Variants in VWA5B1 observed in about 807,000 individuals in gnomAD.
VWA5B1 encodes von Willebrand factor A domain containing 5B1.
Under a neutral mutation model 118.2 loss-of-function variants are expected in VWA5B1, and 115 were observed. That is an observed-to-expected ratio of 0.97 (90% confidence interval 0.84 to 1.14). The LOEUF (loss-of-function observed/expected upper bound fraction) is 1.14, where lower values mean the gene tolerates loss of function less well. VWA5B1 is among the 50% of genes most tolerant of loss of function. VWA5B1 has a pLI of 0.00. For synonymous variants in VWA5B1, 682 were observed against 658.4 expected (o/e 1.04, Z -0.55); for missense variants, 1,596 against 1,603.8 (o/e 1.00, Z 0.08).
intron 12 of VWA5B1, 131 bp from the exon 13 acceptor site, chr1:20,336,172 A>G: frequency 1.3e-6 from 1 of 769,374 alleles, no homozygotes; most frequent in East Asian, 3.4e-5. Context: ...AGCAAACACA[A>G]AGCTTTCCTG....
chr1:20,308,564 C>T (rs138839972), intron 1 of VWA5B1, among the ~76,000 whole-genome samples: 243 of 152,308 alleles, frequency 1.6e-3, no homozygotes, highest in African/African-American at 5.6e-3. Flanking sequence ...ACCCTCACGT[C>T]TTGCCTCCCC....
At chr1:20,327,756 G>T in intron 8 of VWA5B1, 134 bp from the exon 9 acceptor site, 1 of 758,248 alleles carries the variant, frequency 1.3e-6, no homozygotes, top group South Asian at 1.7e-5. Flanking sequence ...AAAAGGAGTT[G>T]CTGGGTGCAG....
intron 8 of VWA5B1, among the ~76,000 whole-genome samples, chr1:20,327,529 C>T (rs912054550): frequency 4.6e-5 from 7 of 152,064 alleles, no homozygotes; most frequent in Non-Finnish European, 1.0e-4. Flanking sequence ...GAGGGTGCTC[C>T]CTGCTCTCCC....
At position 20,332,846 on chromosome 1, in the gene VWA5B1, G is replaced by T; in HGVS notation, c.1653G>T (p.Glu551Asp). The change falls in exon 12 of 22, where the codon GAG becomes GAT. Residue 551 changes from glutamate (E) to aspartate (D), a missense_variant. Transcript: ENST00000289815. ...AGTGGATCTTCCCTGAGACCACTGA[G>T]GTCCTGGTCTCACCCGTCAGCGCCA... ...TVEWIFPETT[E>D]VLVSPVSASS... 2 of 1,551,802 alleles carry T rather than the reference G, an allele frequency of 1.3e-6. No homozygotes were observed. The highest frequency in any genetic ancestry group is 1.7e-4 in the Middle Eastern group (1 of 5,992).
intron 4 of VWA5B1, among the ~76,000 whole-genome samples, chr1:20,316,329 G>C (rs750388539): frequency 2.0e-5 from 3 of 152,306 alleles, no homozygotes; most frequent in Non-Finnish European, 4.4e-5. Flanking sequence ...TGTGGATGCA[G>C]GGAGGCCGAG....
chr1:20,301,025 G>C (rs2088492224), intron 1 of VWA5B1, among the ~76,000 whole-genome samples: 1 of 152,246 alleles, frequency 6.6e-6, no homozygotes, highest in Non-Finnish European at 1.5e-5. Flanking sequence ...TCTCTGTGGA[G>C]GGGGCGCATT....
chr1:20,318,346 C>G, intron 5 of VWA5B1: 2 of 572,664 alleles, frequency 3.5e-6, no homozygotes, highest in Non-Finnish European at 3.1e-6. Context: ...GAATGCAACT[C>G]CTCCGACCCC....
intron 20 of VWA5B1, among the ~76,000 whole-genome samples, chr1:20,351,284 C>T (rs1040128068): frequency 3.3e-5 from 5 of 152,048 alleles, no homozygotes; most frequent in Admixed American, 6.6e-5. Flanking sequence ...TTTGGGAGGC[C>T]GAGGCAGGAG....
chr1:20,321,886 A>G (rs6426633), intron 7 of VWA5B1, among the ~76,000 whole-genome samples: 111,274 of 152,148 alleles, frequency 0.73, 41,662 homozygotes, highest in East Asian at 0.91. Flanking sequence ...GCAGGGGTCA[A>G]GCCACAGGGG....
rs983783834 is a variant in VWA5B1, at chr1:20,309,355, G to T, written c.-26-1221G>T. Among the ~76,000 whole-genome samples the T allele has an allele frequency of 5.3e-5, 8 of 152,328 alleles. No homozygotes were observed. The East Asian group carries it at 1.5e-3, about 29-fold the overall frequency. Reference sequence around the variant, plus strand: ...GGGAGAAAAACTCAGCTCCGTGGGGGGATGACAGAGGATGCTGGGCACACT... The same window carrying T: ...GGGAGAAAAACTCAGCTCCGTGGGGTGATGACAGAGGATGCTGGGCACACT... On this transcript the variant is annotated intron_variant, in intron 1 of 21. Coordinates refer to ENST00000289815, the MANE Select transcript of VWA5B1 (RefSeq NM_001039500.3).
intron 1 of VWA5B1, among the ~76,000 whole-genome samples, chr1:20,291,297 G>A (rs912687048): frequency 2.0e-5 from 3 of 151,588 alleles, no homozygotes; most frequent in African/African-American, 7.3e-5. Context: ...AGAAGTGAGG[G>A]AGCATGGCCA....
At chr1:20,346,593 C>T (rs1332762730) in intron 17 of VWA5B1, among the ~76,000 whole-genome samples, 1 of 152,174 alleles carries the variant, frequency 6.6e-6, no homozygotes, top group Non-Finnish European at 1.5e-5. Flanking sequence ...TACCAAACTG[C>T]CCCCTTACCA....
At chr1:20,345,670 A>G in intron 17 of VWA5B1, 77 bp downstream of exon 17, 1 of 1,461,192 alleles carries the variant, frequency 6.8e-7, no homozygotes, top group Non-Finnish European at 9.1e-7. Flanking sequence ...GCTGAGATAC[A>G]AAGGACCACA....
At chr1:20,348,129 C>T in intron 17 of VWA5B1, 116 bp from the exon 18 acceptor site, 1 of 1,004,750 alleles carries the variant, frequency 1.0e-6, no homozygotes, top group Non-Finnish European at 1.5e-6. Context: ...CAACACCTTC[C>T]TGCCTTTGGA....
chr1:20,313,503 A>G (rs2100847212), intron 3 of VWA5B1, among the ~76,000 whole-genome samples: 1 of 152,360 alleles, frequency 6.6e-6, no homozygotes, highest in Non-Finnish European at 1.5e-5. Flanking sequence ...AATGCCTGCT[A>G]CTGAGGAAAC....
chr1:20,309,930 T>TGTGTGC (rs2088794527), intron 1 of VWA5B1, among the ~76,000 whole-genome samples: 1 of 147,480 alleles, frequency 6.8e-6, no homozygotes, highest in Non-Finnish European at 1.5e-5. Context: ...TGTGTGTGTG[T>TGTGTGC]GTGTGTGTGT....
Position 20,358,635 on chromosome 1 carries a change from A to C in VWA5B1, c.*4372A>C, listed in dbSNP as rs1042842327. Reference sequence around the variant, plus strand: ...CATCTCTAAGTGGTCTCTAGAATCAAATGCACTCCATACTTTTAGTGCCCT... The same window carrying C: ...CATCTCTAAGTGGTCTCTAGAATCACATGCACTCCATACTTTTAGTGCCCT... On this transcript the variant is annotated 3_prime_UTR_variant, in exon 22 of 22. Coordinates refer to ENST00000289815, the MANE Select transcript of VWA5B1 (RefSeq NM_001039500.3). Among the ~76,000 whole-genome samples the C allele has an allele frequency of 1.1e-4, 17 of 152,176 alleles. No homozygotes were observed. Among genetic ancestry groups the C allele is most frequent in the Admixed American group, 2.0e-4 (3 of 15,282 alleles).
At chr1:20,337,591 C>A (rs1244585126) in intron 13 of VWA5B1, 55 bp from the exon 14 acceptor site, 1 of 1,489,596 alleles carries the variant, frequency 6.7e-7, no homozygotes, top group Non-Finnish European at 9.0e-7. Context: ...GATGCAAGCC[C>A]CACTCTTTCC....
At position 20,310,663 on chromosome 1, in the gene VWA5B1, C is replaced by A; in HGVS notation, c.62C>A (p.Thr21Asn). ...AALPLTASDV[T>N]SCVSGYALGL... is the part of the protein sequence containing the mutation. ...CTGCCCCTCACCGCGTCTGATGTTA[C>A]CTCCTGTGTCAGCGGTTATGCCCTG... The change falls in exon 2 of 22, where the codon ACC becomes AAC. Residue 21 changes from threonine to asparagine, a missense_variant. By Grantham distance (65) the Thr-to-Asn change is moderately conservative (BLOSUM62 0). Transcript: ENST00000289815. 6.4e-7 allele frequency: 1 copy of A among 1,551,246 alleles called. No homozygotes were observed. Among genetic ancestry groups the A allele is most frequent in the Non-Finnish European group, 8.7e-7 (1 of 1,146,826 alleles).
Sources: gnomAD v4.1 joint callset for allele counts (sites outside exome capture counted in the v4.1 genomes callset) on GRCh38, gnomAD v4.1.1 for gene constraint, MANE v1.5 for transcripts, NCBI Gene and HGNC (gene_info 2026-07-23, HGNC 2026-07-21) for gene names.